Variants in NCAM1 observed in about 807,000 individuals in gnomAD.
NCAM1 encodes the protein antigen recognized by monoclonal antibody 5.1H11.
A neutral mutation model predicts 109.8 loss-of-function variants in NCAM1; 14 were observed. The ratio of observed to expected loss-of-function variants is 0.13; its 90% CI spans 0.08 to 0.20. The LOEUF is 0.20. NCAM1 is among the 10% of genes least tolerant of loss of function. NCAM1 has a pLI of 1.00. For synonymous variants in NCAM1, 418 were observed against 442.9 expected (o/e 0.94, Z 0.70); for missense variants, 774 against 1,109.9 (o/e 0.70, Z 4.30).
intron 1 of NCAM1, among the ~76,000 whole-genome samples, chr11:113,182,789 A>G (rs1555108196): frequency 6.6e-6 from 1 of 152,168 alleles, no homozygotes; most frequent in Non-Finnish European, 1.5e-5. Context: ...GCAAGAGGTC[A>G]GCACCTCCCA....
chr11:113,133,390 G>A (rs373237786), intron 1 of NCAM1: 21 of 152,296 alleles, frequency 1.4e-4, no homozygotes, highest in African/African-American at 5.1e-4. Flanking sequence ...ACCTGATGAT[G>A]TGCTGCTGTG....
chr11:113,211,850 G>A (rs1944399136), intron 7 of NCAM1, among the ~76,000 whole-genome samples: 1 of 152,206 alleles, frequency 6.6e-6, no homozygotes, highest in Non-Finnish European at 1.5e-5. Flanking sequence ...CTGCCTCTTA[G>A]TGGCAAGCAT....
At chr11:113,180,530 G>A (rs1431605154) in intron 1 of NCAM1, among the ~76,000 whole-genome samples, 1 of 152,224 alleles carries the variant, frequency 6.6e-6, no homozygotes, top group Non-Finnish European at 1.5e-5. Context: ...CCTGATGTAG[G>A]AGCCCCTATC....
intron 1 of NCAM1, among the ~76,000 whole-genome samples, chr11:113,115,916 T>G (rs1177776860): frequency 6.6e-6 from 1 of 152,038 alleles, no homozygotes; most frequent in African/African-American, 2.4e-5. Flanking sequence ...AACTGTAGAG[T>G]TTAGAATATG....
chr11:113,138,642 T>C (rs1282651116), intron 1 of NCAM1, among the ~76,000 whole-genome samples: 1 of 152,236 alleles, frequency 6.6e-6, no homozygotes, highest in Non-Finnish European at 1.5e-5. Flanking sequence ...TTTCCCAAAT[T>C]TATTGCATAA....
intron 1 of NCAM1, among the ~76,000 whole-genome samples, chr11:113,195,422 G>A (rs1451898215): frequency 1.4e-5 from 2 of 148,138 alleles, no homozygotes; most frequent in South Asian, 2.2e-4. Context: ...CTCAATGGAT[G>A]TATCCACACA....
At chr11:113,066,284 T>C (rs1937953646) in intron 1 of NCAM1, among the ~76,000 whole-genome samples, 1 of 152,198 alleles carries the variant, frequency 6.6e-6, no homozygotes, top group Admixed American at 6.5e-5. Context: ...CACATAAAGG[T>C]ATTAAGATTG....
At chr11:113,047,769 AAGG>A (rs1468314123) in intron 1 of NCAM1, among the ~76,000 whole-genome samples, 1 of 152,196 alleles carries the variant, frequency 6.6e-6, no homozygotes, top group Non-Finnish European at 1.5e-5. Context: ...TGGTGGCAGC[AAGG>A]AGAAGTGCAG....
intron 1 of NCAM1, among the ~76,000 whole-genome samples, chr11:113,123,154 G>C (rs1941036663): frequency 1.3e-5 from 2 of 152,174 alleles, no homozygotes; most frequent in South Asian, 4.1e-4. Flanking sequence ...GTTTTGGGTA[G>C]CACAGTAGGG....
In NCAM1 at chr11:113,274,343, A is replaced by C. The variant is rs1316218982; in HGVS notation, c.2457-924A>C. ...CAGCATCAAATGGCTGCTGGGTCTC[A>C]AAGTTCAAGAGAAAGGCCTTAACCT... On this transcript the variant is annotated intron_variant, in intron 19 of 19. Coordinates refer to ENST00000316851, the MANE Select transcript of NCAM1 (RefSeq NM_181351.5). This position sits in a 1 kb window ranked among gnomAD's most constrained non-coding sequence, Gnocchi z 4.1. Among the ~76,000 whole-genome samples, 1 of 152,148 alleles carries C rather than the reference A, an allele frequency of 6.6e-6. No individual in the cohort carries two copies. Among genetic ancestry groups the C allele is most frequent in the African/African-American group, 2.4e-5 (1 of 41,434 alleles).
In NCAM1 at chr11:113,132,604, ATGTGTGTGTGTGTGTGTGTGTGTG is replaced by A. The variant is rs71060290; in HGVS notation, c.53-69751_53-69728del. Among the ~76,000 whole-genome samples the A allele has an allele frequency of 4.6e-5, 6 of 130,410 alleles. No homozygotes were observed. In the East Asian group the frequency reaches 7.3e-4, roughly 16 times the overall value. The allele number at this position is 130,410 out of a possible 152,430, so 85.6% of individuals were successfully genotyped here. ...TGGGATCAGGCATATATTAGGAAGC[ATGTGTGTGTGTGTGTGTGTGTGTG>A]TGTGTGTGTGTGTGTGTGTGTGTCA... is the stretch of plus-strand genomic sequence containing the variant. On this transcript the variant is annotated intron_variant, in intron 1 of 19. Coordinates refer to ENST00000316851, the MANE Select transcript of NCAM1 (RefSeq NM_181351.5).
intron 13 of NCAM1, among the ~76,000 whole-genome samples, chr11:113,234,822 T>C (rs1945115158): frequency 6.6e-6 from 1 of 152,248 alleles, no homozygotes; most frequent in Non-Finnish European, 1.5e-5. Flanking sequence ...CTTTCGGCTA[T>C]TGTGAATGAT....
At chr11:113,083,550 T>C (rs1208647893) in intron 1 of NCAM1, among the ~76,000 whole-genome samples, 2 of 152,226 alleles carry the variant, frequency 1.3e-5, no homozygotes, top group African/African-American at 4.8e-5. Flanking sequence ...AGATGCCCTA[T>C]GGAAAGCACT....
At chr11:113,184,313 A>C (rs75707452) in intron 1 of NCAM1, among the ~76,000 whole-genome samples, 238 of 152,308 alleles carry the variant, frequency 1.6e-3, no homozygotes, top group African/African-American at 5.3e-3. Flanking sequence ...GTCCTAGTTA[A>C]TGCACCTGTA....
intron 1 of NCAM1, among the ~76,000 whole-genome samples, chr11:112,965,667 T>G (rs1455131194): frequency 6.6e-6 from 1 of 152,212 alleles, no homozygotes; most frequent in Non-Finnish European, 1.5e-5. Context: ...TTTTTCAAGG[T>G]GATGAAGCCT....
chr11:113,127,591 G>A (rs781991603), intron 1 of NCAM1, among the ~76,000 whole-genome samples: 1 of 152,200 alleles, frequency 6.6e-6, no homozygotes, highest in Non-Finnish European at 1.5e-5. Flanking sequence ...AGCAAAATTG[G>A]TGATGGTTAA....
intron 7 of NCAM1, 107 bp from the exon 8 acceptor site, chr11:113,214,262 C>T (rs1833567487): frequency 1.7e-6 from 2 of 1,211,468 alleles, no homozygotes; most frequent in African/African-American, 1.5e-5. Context: ...AGACTAGGGT[C>T]TTGTACTTAG....
Position 113,231,526 on chromosome 11 carries a change from G to T in NCAM1, c.1090-119G>T, listed in dbSNP as rs1243132250. 3 of 1,085,472 alleles carry T rather than the reference G, an allele frequency of 2.8e-6. No individual in the cohort carries two copies. The African/African-American group carries it at 4.7e-5, about 17-fold the overall frequency. The allele number at this position is 1,085,472 out of a possible 1,614,324, so 67.2% of individuals were successfully genotyped here. A position where few individuals can be genotyped will look rare whatever the true frequency, so the allele number is the denominator to read the frequency against. ...CATTGACACAGAGAGGAGAGAGGAA[G>T]TGAGACGGGTCACAGACAAGTGATG... On this transcript the variant is annotated intron_variant, in intron 9 of 19. Coordinates refer to ENST00000316851, the MANE Select transcript of NCAM1 (RefSeq NM_181351.5).
At chr11:113,214,081 C>G (rs782275276) in intron 7 of NCAM1, among the ~76,000 whole-genome samples, 1 of 152,250 alleles carries the variant, frequency 6.6e-6, no homozygotes, top group African/African-American at 2.4e-5. Flanking sequence ...GCCGTTTCCT[C>G]TCGAAGGCTC....
Sources: gnomAD v4.1 joint callset for allele counts (sites outside exome capture counted in the v4.1 genomes callset) on GRCh38, gnomAD v4.1.1 for gene constraint, Gnocchi (gnomAD v3.1) non-coding constraint, MANE v1.5 for transcripts, NCBI Gene and HGNC (gene_info 2026-07-23, HGNC 2026-07-21) for gene names.